The following CLMP variants were observed in gnomAD, a reference collection of about 807,000 sequenced individuals.
The protein encoded by CLMP is CXADR-like membrane protein.
In CLMP, 27 loss-of-function variants were observed where a neutral mutation model predicts 45.2. The ratio of observed to expected loss-of-function variants is 0.60; its 90% confidence interval spans 0.44 to 0.82. The LOEUF is 0.82. Among genes scored for constraint, CLMP ranks in the 40% least tolerant of loss-of-function variants. The probability of loss-of-function intolerance (pLI) is 0.00; values close to 1 mark genes in which losing one functional copy is unlikely to be tolerated. For synonymous variants in CLMP, 167 were observed against 171.4 expected, an observed-to-expected ratio of 0.97 and a Z score of 0.20; for missense variants, 403 against 448.4, an observed-to-expected ratio of 0.90 and a Z score of 0.91.
chr11:123,107,027 A>AT, intron 1 of CLMP, among the ~76,000 whole-genome samples: 2 of 151,046 alleles, frequency 1.3e-5, no homozygotes, highest in African/African-American at 4.9e-5. Flanking sequence ...TCAAAAAAAA[A>AT]AAAAAATAAT....
chr11:123,128,441 C>T (rs984428595), intron 1 of CLMP, among the ~76,000 whole-genome samples: 3 of 152,030 alleles, frequency 2.0e-5, no homozygotes, highest in Non-Finnish European at 2.9e-5. Flanking sequence ...GTGGGAGGAT[C>T]GCTTGAGCCC....
intron 5 of CLMP, among the ~76,000 whole-genome samples, chr11:123,075,105 A>G (rs1257057850): frequency 2.0e-5 from 3 of 151,674 alleles, no homozygotes; most frequent in East Asian, 3.9e-4. Context: ...ACAGGCGTGC[A>G]CCACCACGCC....
chr11:123,161,312 C>T lies in CLMP; in HGVS notation c.28+33601G>A, dbSNP rs1861484288. Among the ~76,000 whole-genome samples, 5 of 152,114 alleles carry T rather than the reference C, an allele frequency of 3.3e-5. No homozygotes were observed. In the South Asian group the frequency reaches 1.0e-3, roughly 32 times the overall value. On this transcript the variant is annotated intron_variant, in intron 1 of 6. Coordinates refer to ENST00000448775, the MANE Select transcript of CLMP (RefSeq NM_024769.5). ...TGTTAAATATGTATCAAGCCCTTAC[C>T]ATGCACTAAACCAGTCATGCTCAGC...
chr11:123,115,101 G>T (rs964530603), intron 1 of CLMP, among the ~76,000 whole-genome samples: 4 of 152,116 alleles, frequency 2.6e-5, no homozygotes, highest in African/African-American at 9.7e-5. Context: ...AAGTGCAGTG[G>T]TGTGATCATA....
At position 123,083,847 on chromosome 11, in the gene CLMP, A is replaced by C; in HGVS notation, c.389T>G (p.Val130Gly). The C allele has an allele frequency of 6.2e-7, 1 of 1,612,614 alleles. No individual in the cohort carries two copies. Among genetic ancestry groups the C allele is most frequent in the South Asian group, 1.1e-5 (1 of 90,996 alleles). Residue 130 changes from valine to glycine, a missense_variant and splice_region_variant, in exon 4 of 7, where the codon GTG becomes GGG. By Grantham distance (109) the Val-to-Gly change is moderately radical. Coordinates refer to ENST00000448775, the MANE Select transcript of CLMP (RefSeq NM_024769.5). ...CTCACACTTGGGCTTGGATGGTCTC[A>C]CTGGCAACAGCAACAACAAGCAAAA... ...VWSHVILKVL[V>G]RPSKPKCELE...
At chr11:123,094,886 T>A (rs1309316621) in intron 2 of CLMP, among the ~76,000 whole-genome samples, 1 of 152,182 alleles carries the variant, frequency 6.6e-6, no homozygotes, top group African/African-American at 2.4e-5. Context: ...TCTACCCACC[T>A]CAGCCTCCTG....
intron 1 of CLMP, among the ~76,000 whole-genome samples, chr11:123,190,248 G>A (rs1394476417): frequency 4.6e-5 from 7 of 152,160 alleles, no homozygotes. Flanking sequence ...CCAGGATGGA[G>A]ATTACTACTG....
At chr11:123,191,900 A>G (rs576520211) in intron 1 of CLMP, among the ~76,000 whole-genome samples, 1 of 152,356 alleles carries the variant, frequency 6.6e-6, no homozygotes, top group South Asian at 2.1e-4. Context: ...AAGCATTTGG[A>G]ACACCATAAT....
At chr11:123,168,716 A>G (rs1250463479) in intron 1 of CLMP, among the ~76,000 whole-genome samples, 1 of 152,166 alleles carries the variant, frequency 6.6e-6, no homozygotes, top group Non-Finnish European at 1.5e-5. Context: ...TGGAATTTAC[A>G]AGGTTCAAAT....
chr11:123,172,124 G>A (rs1032155891), intron 1 of CLMP, among the ~76,000 whole-genome samples: 6 of 151,924 alleles, frequency 3.9e-5, no homozygotes, highest in Non-Finnish European at 7.4e-5. Flanking sequence ...ATAGATTCAT[G>A]AATCCTAATT....
intron 1 of CLMP, among the ~76,000 whole-genome samples, chr11:123,134,723 G>A (rs190009695): frequency 1.3e-4 from 19 of 151,964 alleles, no homozygotes; most frequent in South Asian, 6.2e-4. Flanking sequence ...CACAAGAATC[G>A]CTTGAACCCA....
At chr11:123,179,175 G>A (rs990139208) in intron 1 of CLMP, among the ~76,000 whole-genome samples, 5 of 152,110 alleles carry the variant, frequency 3.3e-5, no homozygotes, top group Non-Finnish European at 5.9e-5. Context: ...TTGTTACCTC[G>A]GTTGGTGGAA....
chr11:123,148,695 C>T (rs183791884), intron 1 of CLMP, among the ~76,000 whole-genome samples: 2 of 152,282 alleles, frequency 1.3e-5, no homozygotes, highest in African/African-American at 2.4e-5. Flanking sequence ...TGTCAACCCC[C>T]CTAAACTTCT....
At chr11:123,143,040 G>C (rs961046658) in intron 1 of CLMP, among the ~76,000 whole-genome samples, 1 of 152,194 alleles carries the variant, frequency 6.6e-6, no homozygotes, top group South Asian at 2.1e-4. Context: ...TCCAGGAAGG[G>C]ACAGTTTAAG....
At chr11:123,182,944 A>T (rs1381578423) in intron 1 of CLMP, among the ~76,000 whole-genome samples, 1 of 152,222 alleles carries the variant, frequency 6.6e-6, no homozygotes, top group East Asian at 1.9e-4. Context: ...GCCAATGTGC[A>T]TCACCTGAGG....
chr11:123,173,186 G>C (rs1262486672), intron 1 of CLMP, among the ~76,000 whole-genome samples: 1 of 152,246 alleles, frequency 6.6e-6, no homozygotes, highest in African/African-American at 2.4e-5. Flanking sequence ...CAGGATGGTA[G>C]GTAAGATCCC....
In CLMP at chr11:123,137,147, CTTTT is replaced by C. The variant is rs375816483; in HGVS notation, c.29-39199_29-39196del. ...CAGACCTTTCTCTTTTTTTCTTTTT[CTTTT>C]TTTTTTTTTTTTTTTTTTTTGAGAT... On this transcript the variant is annotated intron_variant, in intron 1 of 6. Coordinates refer to ENST00000448775, the MANE Select transcript of CLMP (RefSeq NM_024769.5). Among the ~76,000 whole-genome samples, 703 of 82,398 alleles carry C rather than the reference CTTTT, an allele frequency of 8.5e-3. 5 individuals carry two copies. The highest frequency in any genetic ancestry group is 0.034 in the African/African-American group (666 of 19,574). 54.1% of individuals were successfully genotyped at this position (82,398 alleles called of 152,430 possible). A position where few individuals can be genotyped will look rare whatever the true frequency, so the allele number is the denominator to read the frequency against.
At chr11:123,130,005 T>C (rs1047349139) in intron 1 of CLMP, among the ~76,000 whole-genome samples, 3 of 151,878 alleles carry the variant, frequency 2.0e-5, no homozygotes, top group Non-Finnish European at 4.4e-5. Context: ...TGTCTCCTGC[T>C]CTGTTTAGCA....
intron 1 of CLMP, among the ~76,000 whole-genome samples, chr11:123,138,977 G>A (rs113540581): frequency 1.2e-3 from 185 of 152,042 alleles, no homozygotes; most frequent in African/African-American, 4.1e-3. Flanking sequence ...TTTTAAATGG[G>A]TGAAAAAAAT....
Sources: gnomAD v4.1 joint callset for allele counts (sites outside exome capture counted in the v4.1 genomes callset) on GRCh38, gnomAD v4.1.1 for gene constraint, MANE v1.5 for transcripts, NCBI Gene and HGNC (gene_info 2026-07-23, HGNC 2026-07-21) for gene names.